The following NRXN1 variants were observed in gnomAD, a reference collection of about 807,000 sequenced individuals.
NRXN1 encodes neurexin 1.
Under a neutral mutation model 150.9 loss-of-function variants are expected in NRXN1, and 39 were observed. The ratio of observed to expected loss-of-function variants is 0.26; its 90% CI spans 0.20 to 0.34. NRXN1 has a LOEUF of 0.34. NRXN1 is among the 10% of genes least tolerant of loss of function. NRXN1 has a pLI of 1.00. For missense variants in NRXN1, 1,815 were observed against 1,949.9 expected, an observed-to-expected ratio of 0.93 and a Z score of 1.30; for synonymous variants, 924 against 757.0, an observed-to-expected ratio of 1.22 and a Z score of -3.62.
chr2:49,943,566 T>G, intron 22 of NRXN1, 138 bp downstream of exon 22: 1 of 667,562 alleles, frequency 1.5e-6, no homozygotes, highest in Admixed American at 2.7e-5. Context: ...ATGTAAAAAA[T>G]AAGAGTCCTC....
At chr2:50,164,131 T>A (rs985242092) in intron 18 of NRXN1, among the ~76,000 whole-genome samples, 3 of 152,344 alleles carry the variant, frequency 2.0e-5, no homozygotes, top group South Asian at 2.1e-4. Context: ...TATCCTGTCA[T>A]ATCATTTAAT....
At chr2:50,363,398 A>C (rs2079359647) in intron 17 of NRXN1, among the ~76,000 whole-genome samples, 1 of 152,232 alleles carries the variant, frequency 6.6e-6, no homozygotes, top group African/African-American at 2.4e-5. Context: ...TTTACAAGAA[A>C]AAAACAAACA....
Position 49,946,540 on chromosome 2 carries a change from A to C in NRXN1, c.4129-2749T>G, listed in dbSNP as rs185936078. 1.6e-3 allele frequency among the ~76,000 whole-genome samples: 245 copies of C among 152,114 alleles called. 8 individuals carry two copies. In the East Asian group the frequency reaches 0.033, roughly 21 times the overall value. The stretch of plus-strand genomic sequence containing the variant: ...GGTCTTACGTTTAAGTCTTTAATCC[A>C]TCTTGAGTTAATTTTTGTATAAGGT... On this transcript the variant is annotated intron_variant, in intron 21 of 22. Transcript: ENST00000401669.
chr2:50,427,383 A>G (rs2084582612), intron 17 of NRXN1, among the ~76,000 whole-genome samples: 1 of 149,450 alleles, frequency 6.7e-6, no homozygotes, highest in Non-Finnish European at 1.5e-5. Flanking sequence ...AAAAAAGCCC[A>G]TAACATTCTG....
chr2:50,877,434 T>C (rs1414307768), intron 5 of NRXN1, among the ~76,000 whole-genome samples: 1 of 151,902 alleles, frequency 6.6e-6, no homozygotes, highest in Non-Finnish European at 1.5e-5. Flanking sequence ...ACTTTTTCTC[T>C]GCCTGCTCAA....
At chr2:50,833,960 T>C (rs1309969560) in intron 5 of NRXN1, among the ~76,000 whole-genome samples, 2 of 152,300 alleles carry the variant, frequency 1.3e-5, no homozygotes, top group Non-Finnish European at 2.9e-5. Flanking sequence ...AGTATGCCTA[T>C]AAAAATTACA....
At chr2:51,016,089 C>T (rs1164279494) in intron 2 of NRXN1, among the ~76,000 whole-genome samples, 1 of 152,086 alleles carries the variant, frequency 6.6e-6, no homozygotes, top group Non-Finnish European at 1.5e-5. Context: ...ACCATCTGAT[C>T]TTTGACAAAC....
intron 2 of NRXN1, among the ~76,000 whole-genome samples, chr2:50,957,507 T>C (rs368908557): frequency 2.6e-5 from 4 of 152,018 alleles, no homozygotes; most frequent in South Asian, 4.2e-4. Flanking sequence ...CAACAAAAAT[T>C]TACCCAGCAC....
intron 2 of NRXN1, among the ~76,000 whole-genome samples, chr2:50,991,052 G>A: frequency 6.6e-6 from 1 of 151,950 alleles, no homozygotes; most frequent in East Asian, 1.9e-4. Context: ...CATCTGCTCT[G>A]TGTGCCATGC....
rs574845383 is a variant in NRXN1, at chr2:50,425,039, C to T, written c.3364+40403G>A. Among the ~76,000 whole-genome samples the T allele has an allele frequency of 9.9e-5, 15 of 152,190 alleles. No individual in the cohort carries two copies. In the East Asian group the frequency reaches 2.3e-3, roughly 24 times the overall value. On this transcript the variant is annotated intron_variant, in intron 17 of 22. Transcript: ENST00000401669. ...ACCTCAGAATAAGAAAAATTGTGTG[C>T]AGTGAAACAGGTTGTAATTTATACC...
chr2:50,577,093 CG>C (rs1671548017), intron 8 of NRXN1, among the ~76,000 whole-genome samples: 1 of 151,996 alleles, frequency 6.6e-6, no homozygotes, highest in Non-Finnish European at 1.5e-5. Context: ...ACCATTATTA[CG>C]TTTTCAAATC....
chr2:49,975,658 G>A (rs182772649), intron 21 of NRXN1, among the ~76,000 whole-genome samples: 2 of 151,970 alleles, frequency 1.3e-5, no homozygotes, highest in Admixed American at 6.6e-5. Flanking sequence ...CAATAATAAC[G>A]TAATTCTCAA....
At chr2:50,238,674 A>C (rs975109780) in intron 17 of NRXN1, among the ~76,000 whole-genome samples, 2 of 152,000 alleles carry the variant, frequency 1.3e-5, no homozygotes, top group African/African-American at 4.8e-5. Flanking sequence ...CATTTAATTA[A>C]ACAGCTGACA....
At chr2:50,393,245 G>T (rs989104152) in intron 17 of NRXN1, among the ~76,000 whole-genome samples, 5 of 151,758 alleles carry the variant, frequency 3.3e-5, no homozygotes, top group Non-Finnish European at 7.4e-5. Context: ...AACATCCAAA[G>T]CGCTAAACAT....
At chr2:50,829,011 G>A (rs1048292879) in intron 5 of NRXN1, among the ~76,000 whole-genome samples, 1 of 152,204 alleles carries the variant, frequency 6.6e-6, no homozygotes, top group Non-Finnish European at 1.5e-5. Context: ...CGGATCACTC[G>A]CGGTTAGGAG....
chr2:50,362,433 AG>A (rs2079282874), intron 17 of NRXN1, among the ~76,000 whole-genome samples: 1 of 152,196 alleles, frequency 6.6e-6, no homozygotes, highest in Admixed American at 6.5e-5. Flanking sequence ...AAAAATCACA[AG>A]CTTTCCTATA....
chr2:50,511,108 TAG>T (rs1217434137), intron 12 of NRXN1, among the ~76,000 whole-genome samples: 2 of 152,116 alleles, frequency 1.3e-5, no homozygotes, highest in Non-Finnish European at 2.9e-5. Flanking sequence ...TTGCTCAGGC[TAG>T]AGTGCAGTGG....
At chr2:50,185,908 G>A (rs1383686859) in intron 18 of NRXN1, among the ~76,000 whole-genome samples, 1 of 151,962 alleles carries the variant, frequency 6.6e-6, no homozygotes, top group South Asian at 2.1e-4. Context: ...CTCAGTGTGT[G>A]TTCCTCTTCA....
intron 21 of NRXN1, among the ~76,000 whole-genome samples, chr2:50,037,113 T>C (rs1690160462): frequency 6.6e-6 from 1 of 151,644 alleles, no homozygotes; most frequent in Non-Finnish European, 1.5e-5. Context: ...TTAATCCAGC[T>C]TAAACAGAAT....
Sources: allele counts gnomAD v4.1 joint callset (sites outside exome capture counted in the v4.1 genomes callset), GRCh38; gene constraint gnomAD v4.1.1; transcripts MANE v1.5; gene names NCBI Gene and HGNC (gene_info 2026-07-23, HGNC 2026-07-21).